Variants in LRRD1 observed in about 807,000 individuals in gnomAD.
LRRD1 encodes leucine rich repeats and death domain containing 1.
Under a neutral mutation model 69.5 loss-of-function variants are expected in LRRD1, and 49 were observed. That is an observed-to-expected ratio of 0.70 (90% CI 0.56 to 0.89). The LOEUF (loss-of-function observed/expected upper bound fraction) is 0.89. Among genes scored for constraint, LRRD1 ranks in the 40% least tolerant of loss-of-function variants. The pLI is 0.00. For synonymous variants in LRRD1, 303 were observed against 338.9 expected (o/e 0.89, Z 1.16); for missense variants, 853 against 956.0 (o/e 0.89, Z 1.42).
At chr7:92,152,207 G>A (rs182796979) in intron 3 of LRRD1, among the ~76,000 whole-genome samples, 1 of 148,174 alleles carries the variant, frequency 6.7e-6, no homozygotes, top group Non-Finnish European at 1.5e-5. Flanking sequence ...TTTTATATAT[G>A]TATATATACA....
chr7:92,156,744 A>G (rs1361824054), intron 3 of LRRD1, among the ~76,000 whole-genome samples: 1 of 152,120 alleles, frequency 6.6e-6, no homozygotes, highest in East Asian at 1.9e-4. Context: ...CTTCCTTCAC[A>G]ATCTATTTAC....
chr7:92,169,206 A>G (rs1048082590), intron 1 of LRRD1, among the ~76,000 whole-genome samples: 59 of 152,120 alleles, frequency 3.9e-4, no homozygotes, highest in African/African-American at 1.4e-3. Context: ...GGCGTGAGTC[A>G]CCGCTTCCTT....
At chr7:92,152,516 A>G (rs1053589758) in intron 3 of LRRD1, among the ~76,000 whole-genome samples, 5 of 152,080 alleles carry the variant, frequency 3.3e-5, no homozygotes, top group Non-Finnish European at 7.4e-5. Flanking sequence ...AGTGAGATTG[A>G]TGGTTTGTAT....
intron 3 of LRRD1, among the ~76,000 whole-genome samples, chr7:92,157,667 C>G (rs1788695239): frequency 6.6e-6 from 1 of 151,746 alleles, no homozygotes; most frequent in Admixed American, 6.6e-5. Flanking sequence ...CCTCCTGGGT[C>G]TAAGCGATTC....
chr7:92,158,952 G>A (rs1788738538), intron 3 of LRRD1, 53 bp downstream of exon 3: 1 of 1,427,240 alleles, frequency 7.0e-7, no homozygotes, highest in Non-Finnish European at 9.4e-7. Flanking sequence ...TTGCAACTCA[G>A]ACATTAATAC....
chr7:92,154,024 G>A (rs942224336), intron 3 of LRRD1, among the ~76,000 whole-genome samples: 2 of 151,650 alleles, frequency 1.3e-5, no homozygotes, highest in African/African-American at 4.8e-5. Context: ...TTTTAGTAGA[G>A]ACAGGGTTTC....
At chr7:92,142,159 G>C (rs919174748), downstream of LRRD1, 1 of 235,096 alleles carries the variant, frequency 4.3e-6, no homozygotes, top group African/African-American at 2.3e-5. Context: ...AGCCAGGATG[G>C]TCTCGATCTC....
intron 2 of LRRD1, among the ~76,000 whole-genome samples, chr7:92,161,879 C>T (rs564743485): frequency 5.6e-4 from 86 of 152,246 alleles, no homozygotes; most frequent in African/African-American, 2.0e-3. Context: ...GACTACAGCA[C>T]TGGTGTGAGA....
At chr7:92,147,232 A>C (rs1820350579) in intron 4 of LRRD1, among the ~76,000 whole-genome samples, 2 of 151,804 alleles carry the variant, frequency 1.3e-5, no homozygotes. Context: ...ACACCCAGCT[A>C]ATTTTTTGTA....
intron 4 of LRRD1, among the ~76,000 whole-genome samples, chr7:92,149,019 T>C (rs1820401484): frequency 6.7e-6 from 1 of 149,834 alleles, no homozygotes. Context: ...AGTGCCGGGA[T>C]TACAGGTGTG....
At chr7:92,173,421 T>G (rs1250409730) in intron 1 of LRRD1, among the ~76,000 whole-genome samples, 1 of 152,110 alleles carries the variant, frequency 6.6e-6, no homozygotes, top group East Asian at 1.9e-4. Context: ...CCACACAGAA[T>G]GTGAGAAAAT....
chr7:92,162,394 A>C lies in LRRD1; in HGVS notation c.1917+892T>G, dbSNP rs539350660. ...TCCCTTTTTTTTTGAGCAGATGCTC[A>C]TGGGACTAGGGCTTTTAGGAGTAGA... On this transcript the variant is annotated intron_variant, in intron 2 of 5. Coordinates refer to ENST00000458448, the MANE Select transcript of LRRD1 (RefSeq NM_001161528.2). 5.3e-5 allele frequency among the ~76,000 whole-genome samples: 8 copies of C among 152,300 alleles called. No homozygotes were observed. In the South Asian group the frequency reaches 1.7e-3, roughly 32 times the overall value.
intron 4 of LRRD1, among the ~76,000 whole-genome samples, chr7:92,148,778 C>T (rs933111006): frequency 1.3e-5 from 2 of 152,160 alleles, no homozygotes; most frequent in East Asian, 1.9e-4. Context: ...GACGGAGTCT[C>T]GCACTGTCAC....
At chr7:92,143,766 G>A (rs1820238517), downstream of LRRD1, among the ~76,000 whole-genome samples, 1 of 152,236 alleles carries the variant, frequency 6.6e-6, no homozygotes, top group African/African-American at 2.4e-5. Flanking sequence ...CCAGAAAGGG[G>A]CTCCCACAGT....
chr7:92,155,982 C>T (rs1788650532), intron 3 of LRRD1, among the ~76,000 whole-genome samples: 1 of 152,172 alleles, frequency 6.6e-6, no homozygotes, highest in African/African-American at 2.4e-5. Flanking sequence ...TTGTGCCCAC[C>T]CAGATTGAGG....
intron 1 of LRRD1, among the ~76,000 whole-genome samples, chr7:92,178,304 A>C (rs1789239850): frequency 6.6e-6 from 1 of 151,814 alleles, no homozygotes; most frequent in Non-Finnish European, 1.5e-5. Flanking sequence ...CAAGAGCAAA[A>C]CTCCGTCTCA....
At chr7:92,145,817 G>T (rs546353649) in intron 5 of LRRD1, among the ~76,000 whole-genome samples, 2 of 152,242 alleles carry the variant, frequency 1.3e-5, no homozygotes, top group East Asian at 1.9e-4. Context: ...TACCAGTGAA[G>T]AAACCAAGTC....
chr7:92,166,037 T>G (rs1432725942), intron 1 of LRRD1, among the ~76,000 whole-genome samples: 2 of 152,128 alleles, frequency 1.3e-5, no homozygotes, highest in South Asian at 4.1e-4. Flanking sequence ...TGAAATGTCT[T>G]AAGGAAGGGT....
intron 1 of LRRD1, among the ~76,000 whole-genome samples, chr7:92,178,435 G>C (rs534765811): frequency 6.6e-6 from 1 of 152,182 alleles, no homozygotes; most frequent in South Asian, 2.1e-4. Context: ...CTTTGAGGGG[G>C]CGAGGCAGGC....
Sources: allele counts gnomAD v4.1 joint callset (sites outside exome capture counted in the v4.1 genomes callset), GRCh38; gene constraint gnomAD v4.1.1; transcripts MANE v1.5; gene names NCBI Gene and HGNC (gene_info 2026-07-23, HGNC 2026-07-21).